REDIC1: variants seen among roughly 807,000 people sequenced by gnomAD.
The protein encoded by REDIC1 is regulator of DNA class I crossover intermediates 1, also known as HEI10 Interacting Protein 1.
chr12:39,711,743 GTATA>G, the REDIC1 span, among the ~76,000 whole-genome samples: 3 of 127,242 alleles, frequency 2.4e-5, no homozygotes, highest in Non-Finnish European at 3.5e-5. Flanking sequence ...GTGTATGTGT[GTATA>G]CACATGCATG....
chr12:39,793,333 A>C, the REDIC1 span, among the ~76,000 whole-genome samples: 1 of 152,170 alleles, frequency 6.6e-6, no homozygotes, highest in Non-Finnish European at 1.5e-5. Flanking sequence ...AAAATATTAA[A>C]GACTAAATAA....
the REDIC1 span, among the ~76,000 whole-genome samples, chr12:39,810,532 G>A: frequency 1.3e-5 from 2 of 152,092 alleles, no homozygotes; most frequent in East Asian, 3.8e-4. Flanking sequence ...GTAGTGTTAA[G>A]AGTAGACATT....
chr12:39,770,691 C>T, the REDIC1 span, among the ~76,000 whole-genome samples: 1 of 152,140 alleles, frequency 6.6e-6, no homozygotes, highest in African/African-American at 2.4e-5. Context: ...ATATGCATAG[C>T]ATAAGTATTA....
chr12:39,748,831 A>G, the REDIC1 span, among the ~76,000 whole-genome samples: 7,921 of 152,302 alleles, frequency 0.052, 712 homozygotes, highest in African/African-American at 0.18. Flanking sequence ...TGGGTACATA[A>G]TGAAATGAAG....
the REDIC1 span, among the ~76,000 whole-genome samples, chr12:39,783,834 G>A: frequency 1.0e-3 from 153 of 152,180 alleles, no homozygotes; most frequent in African/African-American, 3.3e-3. Context: ...CCCCATCGTC[G>A]CAGCCTAAAA....
the REDIC1 span, among the ~76,000 whole-genome samples, chr12:39,874,415 A>C: frequency 2.6e-5 from 4 of 152,128 alleles, no homozygotes; most frequent in Non-Finnish European, 5.9e-5. Flanking sequence ...GGAGTTCAAA[A>C]CCAGCCTGGC....
chr12:39,901,475 G>A, the REDIC1 span, among the ~76,000 whole-genome samples: 3 of 139,614 alleles, frequency 2.1e-5, no homozygotes, highest in African/African-American at 8.0e-5. Context: ...AATCTACAAT[G>A]AACTCAAACA....
chr12:39,838,506 TAA>T, the REDIC1 span, among the ~76,000 whole-genome samples: 91,289 of 142,172 alleles, frequency 0.64, 28,823 homozygotes, highest in East Asian at 0.76. Flanking sequence ...AAAAATAAAT[TAA>T]AAAAAAAAAA....
chr12:39,886,008 C>T, the REDIC1 span, among the ~76,000 whole-genome samples: 11 of 152,168 alleles, frequency 7.2e-5, no homozygotes, highest in Admixed American at 2.0e-4. Context: ...TCCTAAATCA[C>T]TAATTTTAAG....
chr12:39,647,014 A>G, the REDIC1 span: 1 of 582,842 alleles, frequency 1.7e-6, no homozygotes, highest in East Asian at 3.1e-5. Context: ...TTCTTTTAAA[A>G]GCTTTCCAGG....
At chr12:39,769,115 A>G in the REDIC1 span, among the ~76,000 whole-genome samples, 1 of 152,054 alleles carries the variant, frequency 6.6e-6, no homozygotes, top group East Asian at 1.9e-4. Context: ...AGTTCATGCC[A>G]TTTTATCTCA....
At chr12:39,713,924 T>G in the REDIC1 span, among the ~76,000 whole-genome samples, 1 of 146,878 alleles carries the variant, frequency 6.8e-6, no homozygotes, top group Non-Finnish European at 1.5e-5. Context: ...TATGTATATA[T>G]TAAATTATGT....
At chr12:39,646,701 T>G in the REDIC1 span, 1 of 579,168 alleles carries the variant, frequency 1.7e-6, no homozygotes, top group Non-Finnish European at 2.8e-6. Context: ...TTTATAAAAC[T>G]TAGTAATATT....
the REDIC1 span, among the ~76,000 whole-genome samples, chr12:39,855,206 A>T: frequency 6.6e-6 from 1 of 152,204 alleles, no homozygotes; most frequent in Non-Finnish European, 1.5e-5. Flanking sequence ...AAGTACATAC[A>T]TTACTATTTA....
At chr12:39,716,744 C>T in the REDIC1 span, 1 of 1,579,374 alleles carries the variant, frequency 6.3e-7, no homozygotes, top group African/African-American at 1.4e-5. Flanking sequence ...TGTATTAAAC[C>T]TTTATTTTCA....
chr12:39,880,298 C>T, the REDIC1 span, among the ~76,000 whole-genome samples: 5 of 152,206 alleles, frequency 3.3e-5, no homozygotes, highest in Non-Finnish European at 5.9e-5. Flanking sequence ...ACATCAATAG[C>T]TTTAATAGAA....
At chr12:39,897,640 T>C in the REDIC1 span, among the ~76,000 whole-genome samples, 2 of 152,220 alleles carry the variant, frequency 1.3e-5, no homozygotes, top group African/African-American at 2.4e-5. Context: ...GCTAGCATAC[T>C]GAGAAGGTGA....
the REDIC1 span, among the ~76,000 whole-genome samples, chr12:39,878,355 T>C: frequency 3.9e-5 from 6 of 152,316 alleles, no homozygotes; most frequent in East Asian, 1.2e-3. Flanking sequence ...TTGGAACTTT[T>C]AAGAGACCGA....
chr12:39,721,275 T>G, the REDIC1 span: 46 of 1,574,286 alleles, frequency 2.9e-5, no homozygotes, highest in Middle Eastern at 5.1e-4. Flanking sequence ...CTACCTAGGA[T>G]GTAGAATTTC....
Sources: allele counts gnomAD v4.1 joint callset (sites outside exome capture counted in the v4.1 genomes callset), GRCh38; gene constraint gnomAD v4.1.1; transcripts MANE v1.5; gene names NCBI Gene and HGNC (gene_info 2026-07-23, HGNC 2026-07-21).